The following RPTOR variants were observed in gnomAD, a reference collection of about 807,000 sequenced individuals.
The protein encoded by RPTOR is regulatory-associated protein of mTOR.
A neutral mutation model predicts 169.9 loss-of-function variants in RPTOR; 21 were observed. That is an observed-to-expected ratio of 0.12 (90% confidence interval 0.09 to 0.18). The LOEUF is 0.18. Ranked by LOEUF, RPTOR falls within the 10% of genes least tolerant of loss-of-function variation. RPTOR has a pLI of 1.00. For missense variants in RPTOR, 1,133 were observed against 1,855.9 expected, an observed-to-expected ratio of 0.61 and a Z score of 7.16; for synonymous variants, 732 against 753.2, an observed-to-expected ratio of 0.97 and a Z score of 0.46.
intron 1 of RPTOR, among the ~76,000 whole-genome samples, chr17:80,564,005 G>A (rs1368087646): frequency 2.0e-5 from 3 of 152,154 alleles, no homozygotes; most frequent in Admixed American, 1.3e-4. Context: ...ATGGACATTT[G>A]GGTGGTTTCC....
At chr17:80,852,470 G>A (rs895296228) in intron 11 of RPTOR, among the ~76,000 whole-genome samples, 31 of 152,178 alleles carry the variant, frequency 2.0e-4, no homozygotes, top group Admixed American at 1.6e-3. Context: ...GCAGTCCCAC[G>A]TTCCTTTCCC....
At chr17:80,661,703 C>G (rs2065725516) in intron 3 of RPTOR, among the ~76,000 whole-genome samples, 1 of 152,114 alleles carries the variant, frequency 6.6e-6, no homozygotes, top group South Asian at 2.1e-4. Context: ...CCACCACCCC[C>G]CGCCCCCTTT....
At chr17:80,592,893 G>A (rs1053451834) in intron 1 of RPTOR, among the ~76,000 whole-genome samples, 14 of 152,166 alleles carry the variant, frequency 9.2e-5, no homozygotes, top group Admixed American at 2.6e-4. Context: ...GATGGCGGGC[G>A]CAATGGCGGG....
chr17:80,598,902 A>G (rs1051728727), intron 1 of RPTOR, among the ~76,000 whole-genome samples: 1 of 151,798 alleles, frequency 6.6e-6, no homozygotes, highest in East Asian at 1.9e-4. Flanking sequence ...CTATCTATCT[A>G]TCTATCTATC....
intron 6 of RPTOR, among the ~76,000 whole-genome samples, chr17:80,763,233 A>G (rs1334064910): frequency 3.9e-5 from 6 of 152,122 alleles, no homozygotes; most frequent in African/African-American, 1.2e-4. Context: ...GTGACAGGGT[A>G]AGACCCAGTC....
intron 1 of RPTOR, among the ~76,000 whole-genome samples, chr17:80,572,253 A>G (rs1461334660): frequency 2.0e-5 from 3 of 152,042 alleles, no homozygotes; most frequent in Admixed American, 2.0e-4. Context: ...AGGTGCCATC[A>G]TGCCTGGCTA....
At chr17:80,618,338 G>T (rs931033665) in intron 1 of RPTOR, among the ~76,000 whole-genome samples, 12 of 152,192 alleles carry the variant, frequency 7.9e-5, no homozygotes, top group Middle Eastern at 6.8e-3. Context: ...AATAAAACTA[G>T]CACCTTTAAA....
chr17:80,592,913 C>T (rs138683549), intron 1 of RPTOR, among the ~76,000 whole-genome samples: 203 of 152,224 alleles, frequency 1.3e-3, no homozygotes, highest in African/African-American at 4.7e-3. Context: ...GCAGTGCTGT[C>T]GGAGTCTTAG....
intron 20 of RPTOR, among the ~76,000 whole-genome samples, chr17:80,903,887 G>A (rs565853779): frequency 7.2e-5 from 11 of 152,328 alleles, no homozygotes; most frequent in African/African-American, 2.6e-4. Context: ...AGGTTTGGAA[G>A]GAAAAGGCTT....
intron 4 of RPTOR, among the ~76,000 whole-genome samples, chr17:80,713,517 G>A (rs2066214081): frequency 6.6e-6 from 1 of 151,968 alleles, no homozygotes; most frequent in African/African-American, 2.4e-5. Context: ...ACAAGTTTTT[G>A]TCAAACCAGA....
chr17:80,678,563 T>C (rs2065876165), intron 3 of RPTOR, among the ~76,000 whole-genome samples: 2 of 152,246 alleles, frequency 1.3e-5, no homozygotes, highest in African/African-American at 4.8e-5. Context: ...TTTGCAACAT[T>C]GCTGAATATC....
chr17:80,870,538 A>G (rs762561074), intron 13 of RPTOR, among the ~76,000 whole-genome samples: 1 of 152,150 alleles, frequency 6.6e-6, no homozygotes, highest in African/African-American at 2.4e-5. Flanking sequence ...GCAAAACTCA[A>G]TTCAAAAAAT....
intron 1 of RPTOR, among the ~76,000 whole-genome samples, chr17:80,604,833 A>G (rs902806048): frequency 7.9e-5 from 12 of 152,202 alleles, no homozygotes; most frequent in African/African-American, 2.7e-4. Flanking sequence ...GCGCGATTCA[A>G]TTACCTCCCA....
intron 4 of RPTOR, among the ~76,000 whole-genome samples, chr17:80,715,774 G>T (rs918201964): frequency 6.6e-6 from 1 of 150,498 alleles, no homozygotes; most frequent in Non-Finnish European, 1.5e-5. Context: ...ATGCCTTTGT[G>T]TCCTCATAGC....
intron 11 of RPTOR, among the ~76,000 whole-genome samples, chr17:80,853,186 C>T (rs1366957613): frequency 6.6e-6 from 1 of 152,176 alleles, no homozygotes; most frequent in East Asian, 1.9e-4. Flanking sequence ...ACAAACTGAC[C>T]TCTCTGCATG....
intron 1 of RPTOR, among the ~76,000 whole-genome samples, chr17:80,615,374 C>G (rs567288220): frequency 8.5e-4 from 129 of 152,272 alleles, no homozygotes; most frequent in African/African-American, 2.9e-3. Flanking sequence ...CATAGGAACC[C>G]AGGTCACATG....
At position 80,823,671 on chromosome 17, in the gene RPTOR, AC is replaced by A. The variant is rs2067408053; in HGVS notation, c.1136+449del. ...CACACACACACACACACACACACAC[AC>A]ACACACAACGCTCATAAGTGTAATC... On this transcript the variant is annotated intron_variant, in intron 9 of 33. Transcript: ENST00000306801. The surrounding 1 kb of genome is among the most constrained non-coding windows in gnomAD (Gnocchi z 4.5). The A allele has an allele frequency of 6.6e-6, 1 of 152,426 alleles. No homozygotes were observed. The highest frequency in any genetic ancestry group is 2.6e-5 in the African/African-American group (1 of 39,046). The allele number at this position is 152,426 out of a possible 1,614,324, so 9.4% of individuals were successfully genotyped here. A position where few individuals can be genotyped will look rare whatever the true frequency, so the allele number is the denominator to read the frequency against.
intron 7 of RPTOR, among the ~76,000 whole-genome samples, chr17:80,796,347 C>T (rs1019308692): frequency 6.6e-6 from 1 of 152,204 alleles, no homozygotes; most frequent in Non-Finnish European, 1.5e-5. Context: ...AACCATCACA[C>T]TGGGTAATTT....
intron 17 of RPTOR, among the ~76,000 whole-genome samples, chr17:80,887,563 G>C (rs2068264167): frequency 6.6e-6 from 1 of 152,190 alleles, no homozygotes; most frequent in Admixed American, 6.5e-5. Flanking sequence ...CATTCTCGCA[G>C]CCTCTTCTCA....
Sources: gnomAD v4.1 joint callset for allele counts (sites outside exome capture counted in the v4.1 genomes callset) on GRCh38, gnomAD v4.1.1 for gene constraint, Gnocchi (gnomAD v3.1) non-coding constraint, MANE v1.5 for transcripts, NCBI Gene and HGNC (gene_info 2026-07-23, HGNC 2026-07-21) for gene names.